Variants in WDPCP observed in about 807,000 individuals in gnomAD.
The protein encoded by WDPCP is WD repeat-containing and planar cell polarity effector protein fritz homolog.
WDPCP carries 71 observed loss-of-function variants against 93.1 expected under a neutral mutation model. The ratio of observed to expected loss-of-function variants is 0.76; its 90% CI spans 0.63 to 0.93. The LOEUF is 0.93. Ranked by LOEUF, WDPCP falls within the 40% of genes least tolerant of loss-of-function variation. WDPCP has a pLI of 0.00. For missense variants in WDPCP, 844 were observed against 887.4 expected (o/e 0.95, Z 0.62); for synonymous variants, 315 against 315.0 (o/e 1.00, Z 0.00).
chr2:63,347,628 T>G (rs914913848), intron 12 of WDPCP, among the ~76,000 whole-genome samples: 1 of 152,176 alleles, frequency 6.6e-6, no homozygotes, highest in Non-Finnish European at 1.5e-5. Context: ...AAATGCCATG[T>G]TGTAGTCATG....
intron 1 of WDPCP, among the ~76,000 whole-genome samples, chr2:63,533,082 T>G (rs1703989400): frequency 6.6e-6 from 1 of 152,090 alleles, no homozygotes; most frequent in African/African-American, 2.4e-5. Context: ...AAAACAGACT[T>G]TAAGCCAACA....
At chr2:63,308,519 T>A (rs1685926106) in intron 13 of WDPCP, among the ~76,000 whole-genome samples, 1 of 152,092 alleles carries the variant, frequency 6.6e-6, no homozygotes, top group African/African-American at 2.4e-5. Flanking sequence ...ATAGACTGGA[T>A]AAAGAAAATG....
At chr2:63,574,277 C>T (rs1290164258) in intron 1 of WDPCP, among the ~76,000 whole-genome samples, 1 of 152,166 alleles carries the variant, frequency 6.6e-6, no homozygotes, top group East Asian at 1.9e-4. Context: ...CCCGGACACC[C>T]AGCTTTAACA....
intron 1 of WDPCP, among the ~76,000 whole-genome samples, chr2:63,550,729 A>G (rs1558794194): frequency 6.6e-6 from 1 of 150,662 alleles, no homozygotes; most frequent in Non-Finnish European, 1.5e-5. Flanking sequence ...ATATATACAT[A>G]TATATGTGCA....
chr2:63,445,945 C>T (rs1304104497), intron 6 of WDPCP, among the ~76,000 whole-genome samples: 1 of 152,076 alleles, frequency 6.6e-6, no homozygotes, highest in Non-Finnish European at 1.5e-5. Flanking sequence ...CATGCTCATA[C>T]TAATTCCCAA....
intron 13 of WDPCP, among the ~76,000 whole-genome samples, chr2:63,305,347 C>T (rs969217802): frequency 3.3e-5 from 5 of 152,036 alleles, no homozygotes; most frequent in South Asian, 2.1e-4. Context: ...AAGAGAGCTC[C>T]TGCTGGCATC....
At chr2:63,235,735 T>C (rs1016563183) in intron 14 of WDPCP, among the ~76,000 whole-genome samples, 1 of 150,852 alleles carries the variant, frequency 6.6e-6, no homozygotes, top group Non-Finnish European at 1.5e-5. Context: ...TAAACAGAAT[T>C]AAAAAAAAAC....
At chr2:63,487,753 C>T (rs1195650893) in intron 2 of WDPCP, among the ~76,000 whole-genome samples, 1 of 152,036 alleles carries the variant, frequency 6.6e-6, no homozygotes, top group Non-Finnish European at 1.5e-5. Context: ...TAGTAAAGAA[C>T]TGAAATCAAG....
intron 13 of WDPCP, among the ~76,000 whole-genome samples, chr2:63,266,025 A>C (rs903369331): frequency 6.6e-6 from 1 of 152,198 alleles, no homozygotes; most frequent in Non-Finnish European, 1.5e-5. Flanking sequence ...TAAAGGCCAT[A>C]TATGATAAGC....
In WDPCP at chr2:63,447,422, A is replaced by G. The variant is rs564736911; in HGVS notation, c.385-7551T>C. Among the ~76,000 whole-genome samples, 12 of 152,290 alleles carry G rather than the reference A, an allele frequency of 7.9e-5. No individual in the cohort carries two copies. In the South Asian group the frequency reaches 2.3e-3, roughly 29 times the overall value. On this transcript the variant is annotated intron_variant, in intron 6 of 17. Transcript: ENST00000272321. ...AAAATTTTCAAAAAAGGGAACGCTT[A>G]AAATATCTGGCCACAAATATACTTC...
At chr2:63,129,484 C>T (rs373627616) in intron 17 of WDPCP, among the ~76,000 whole-genome samples, 1 of 152,110 alleles carries the variant, frequency 6.6e-6, no homozygotes, top group African/African-American at 2.4e-5. Context: ...TGCTTCTCAG[C>T]CTTTTGGCTA....
intron 6 of WDPCP, among the ~76,000 whole-genome samples, chr2:63,472,717 G>A (rs993887276): frequency 2.6e-5 from 4 of 151,946 alleles, no homozygotes; most frequent in African/African-American, 4.8e-5. Flanking sequence ...GTGCCACCAC[G>A]CCTGGCTAAT....
At chr2:63,453,155 C>G (rs1415225201) in intron 6 of WDPCP, among the ~76,000 whole-genome samples, 4 of 152,270 alleles carry the variant, frequency 2.6e-5, no homozygotes, top group East Asian at 3.9e-4. Context: ...ACTGAACAGG[C>G]AACCTACAGA....
At chr2:63,530,974 G>A (rs912055851) in intron 1 of WDPCP, among the ~76,000 whole-genome samples, 1 of 152,180 alleles carries the variant, frequency 6.6e-6, no homozygotes, top group Admixed American at 6.5e-5. Flanking sequence ...ATGGGAAATC[G>A]GGACACTCCC....
intron 14 of WDPCP, among the ~76,000 whole-genome samples, chr2:63,234,607 T>G (rs1280738283): frequency 6.6e-6 from 1 of 152,208 alleles, no homozygotes; most frequent in Non-Finnish European, 1.5e-5. Context: ...TTTTGTTAAT[T>G]TTGTAGACAA....
At chr2:63,508,693 C>T (rs566278264) in intron 1 of WDPCP, among the ~76,000 whole-genome samples, 3 of 152,254 alleles carry the variant, frequency 2.0e-5, no homozygotes, top group Admixed American at 6.5e-5. Context: ...AGACCCATCT[C>T]ACATGCAAAG....
intron 12 of WDPCP, chr2:63,369,180 T>G (rs1057507630): frequency 1.1e-5 from 3 of 261,152 alleles, no homozygotes. Context: ...GTAACAGAAG[T>G]GTCTATAGCC....
chr2:63,251,984 A>G (rs34256818), intron 14 of WDPCP, among the ~76,000 whole-genome samples: 78,230 of 151,912 alleles, frequency 0.51, 23,789 homozygotes, highest in Non-Finnish European at 0.67. Context: ...ACACAATGAA[A>G]AAAGAAAACC....
chr2:63,836,112 C>G, the WDPCP span, among the ~76,000 whole-genome samples: 1 of 152,198 alleles, frequency 6.6e-6, no homozygotes, highest in Admixed American at 6.5e-5. Context: ...GCTTTGGCCT[C>G]CCAAAGTGCT....
Sources: gnomAD v4.1 joint callset for allele counts (sites outside exome capture counted in the v4.1 genomes callset) on GRCh38, gnomAD v4.1.1 for gene constraint, MANE v1.5 for transcripts, NCBI Gene and HGNC (gene_info 2026-07-23, HGNC 2026-07-21) for gene names.